FRMD5: variants seen among roughly 807,000 people sequenced by gnomAD.
The protein encoded by FRMD5 is FERM domain containing 5.
FRMD5 carries 20 observed loss-of-function variants against 69.0 expected under a neutral mutation model. That is an observed-to-expected ratio of 0.29 (90% CI 0.20 to 0.42). The LOEUF is 0.42. Among genes scored for constraint, FRMD5 ranks in the 10% least tolerant of loss-of-function variants. The pLI is 1.00. For missense variants in FRMD5, 595 were observed against 708.6 expected, an observed-to-expected ratio of 0.84 and a Z score of 1.82; for synonymous variants, 271 against 260.1, an observed-to-expected ratio of 1.04 and a Z score of -0.40.
chr15:43,897,530 G>A (rs1397874391), intron 7 of FRMD5, among the ~76,000 whole-genome samples: 2 of 144,074 alleles, frequency 1.4e-5, no homozygotes, highest in African/African-American at 2.6e-5. Context: ...GGGGCAACTC[G>A]TCAAGATGGG....
At chr15:44,031,614 G>A (rs927690405) in intron 1 of FRMD5, among the ~76,000 whole-genome samples, 5 of 152,038 alleles carry the variant, frequency 3.3e-5, no homozygotes, top group Non-Finnish European at 5.9e-5. Context: ...CCTCCCGAAG[G>A]CCCCATCTTC....
intron 4 of FRMD5, among the ~76,000 whole-genome samples, chr15:43,916,480 T>C (rs1243482515): frequency 6.6e-6 from 1 of 152,202 alleles, no homozygotes; most frequent in Non-Finnish European, 1.5e-5. Flanking sequence ...GGCAACGAAA[T>C]ATTGAGACTT....
chr15:43,960,739 T>C (rs1021221072), intron 1 of FRMD5, among the ~76,000 whole-genome samples: 1 of 152,228 alleles, frequency 6.6e-6, no homozygotes, highest in African/African-American at 2.4e-5. Flanking sequence ...ACAGTTCTCC[T>C]TAGGTCTGTT....
At chr15:43,982,472 A>G (rs2090563398) in intron 1 of FRMD5, among the ~76,000 whole-genome samples, 1 of 152,200 alleles carries the variant, frequency 6.6e-6, no homozygotes, top group South Asian at 2.1e-4. Flanking sequence ...TAGCAGCTAT[A>G]CAGATAAAGG....
intron 4 of FRMD5, among the ~76,000 whole-genome samples, chr15:43,914,220 G>T (rs2089342171): frequency 6.6e-6 from 1 of 152,156 alleles, no homozygotes; most frequent in South Asian, 2.1e-4. Flanking sequence ...CAGAGTTTAA[G>T]GCTGTGAACT....
intron 1 of FRMD5, among the ~76,000 whole-genome samples, chr15:44,117,991 C>CTTTTTTTTTTTTTTTTTTTTT (rs747747488): frequency 1.4e-4 from 13 of 92,654 alleles, no homozygotes; most frequent in South Asian, 3.7e-4. Context: ...TTCTTTTTTA[C>CTTTTTTTTTTTTTTTTTTTTT]TTTTTTTTTT....
chr15:43,939,743 TAG>T (rs1049797203), intron 1 of FRMD5, among the ~76,000 whole-genome samples: 5 of 152,096 alleles, frequency 3.3e-5, no homozygotes, highest in African/African-American at 1.2e-4. Flanking sequence ...TGTTTTTTTG[TAG>T]AGACGGGTTT....
At chr15:43,989,673 G>A in intron 1 of FRMD5, 1 of 944,676 alleles carries the variant, frequency 1.1e-6, no homozygotes, top group South Asian at 1.3e-5. Flanking sequence ...GCATGGGGGA[G>A]GGCATACTCT....
At chr15:44,059,053 C>T (rs1427742661) in intron 1 of FRMD5, among the ~76,000 whole-genome samples, 1 of 152,120 alleles carries the variant, frequency 6.6e-6, no homozygotes, top group Non-Finnish European at 1.5e-5. Flanking sequence ...GTGCAACTGG[C>T]AGAGAAGTTT....
intron 1 of FRMD5, among the ~76,000 whole-genome samples, chr15:43,955,898 T>C (rs753450218): frequency 1.4e-4 from 22 of 152,090 alleles, no homozygotes; most frequent in Non-Finnish European, 2.8e-4. Flanking sequence ...GAGGATCCAT[T>C]TGGGGTTCTG....
chr15:44,078,640 A>ATTG (rs766910229), intron 1 of FRMD5, among the ~76,000 whole-genome samples: 9,557 of 152,250 alleles, frequency 0.063, 415 homozygotes, highest in Non-Finnish European at 0.094. Flanking sequence ...ATGAGAAATA[A>ATTG]GCCAATGGCC....
chr15:43,919,095 A>C (rs1404780245), intron 4 of FRMD5: 2 of 368,106 alleles, frequency 5.4e-6, no homozygotes, highest in Non-Finnish European at 5.5e-6. Flanking sequence ...AGACCACTTG[A>C]ATCTATTTGC....
intron 1 of FRMD5, among the ~76,000 whole-genome samples, chr15:44,043,656 C>T (rs945907901): frequency 6.6e-6 from 1 of 152,028 alleles, no homozygotes; most frequent in African/African-American, 2.4e-5. Flanking sequence ...ACAAACCTGA[C>T]AAAAACAAGC....
At chr15:43,894,332 C>G (rs1191130111) in intron 7 of FRMD5, among the ~76,000 whole-genome samples, 1 of 151,976 alleles carries the variant, frequency 6.6e-6, no homozygotes, top group Non-Finnish European at 1.5e-5. Context: ...GGAAGTCCTA[C>G]AACTGCAGGC....
chr15:44,163,084 G>C (rs2615264), intron 1 of FRMD5, among the ~76,000 whole-genome samples: 247 of 152,266 alleles, frequency 1.6e-3, no homozygotes, highest in African/African-American at 5.7e-3. Context: ...TGAGGCAGCA[G>C]AACAGCGTGA....
chr15:43,933,557 G>C (rs2089710588), intron 1 of FRMD5, among the ~76,000 whole-genome samples: 1 of 152,212 alleles, frequency 6.6e-6, no homozygotes, highest in African/African-American at 2.4e-5. Context: ...CAAGATTACA[G>C]GGATAAGGGA....
chr15:44,073,247 G>C (rs1893616329), intron 1 of FRMD5, among the ~76,000 whole-genome samples: 1 of 151,304 alleles, frequency 6.6e-6, no homozygotes, highest in Admixed American at 6.6e-5. Flanking sequence ...GCCTGTTCCA[G>C]AGTTTCAAAT....
intron 1 of FRMD5, among the ~76,000 whole-genome samples, chr15:44,106,535 T>G (rs1227563079): frequency 6.6e-6 from 1 of 152,168 alleles, no homozygotes; most frequent in Non-Finnish European, 1.5e-5. Flanking sequence ...TGCCTCATTC[T>G]GATTTTTAAA....
chr15:44,066,825 A>T (rs16959032), intron 1 of FRMD5, among the ~76,000 whole-genome samples: 6,076 of 152,198 alleles, frequency 0.04, 365 homozygotes, highest in African/African-American at 0.13. Flanking sequence ...CTGCTCTTTC[A>T]AGATTAAAAG....
Sources: allele counts gnomAD v4.1 joint callset (sites outside exome capture counted in the v4.1 genomes callset), GRCh38; gene constraint gnomAD v4.1.1; transcripts MANE v1.5; gene names NCBI Gene and HGNC (gene_info 2026-07-23, HGNC 2026-07-21).